Variants in ZNF571 observed in about 807,000 individuals in gnomAD.
ZNF571 encodes zinc finger protein 571.
A neutral mutation model predicts 7.7 loss-of-function variants in ZNF571; 4 were observed. The ratio of observed to expected loss-of-function variants is 0.52; its 90% CI spans 0.25 to 1.18. The LOEUF is 1.18. ZNF571 is among the 50% of genes most tolerant of loss of function. The pLI is 0.14. For missense variants in ZNF571, 704 were observed against 726.9 expected (o/e 0.97, Z 0.36); for synonymous variants, 251 against 232.4 (o/e 1.08, Z -0.73).
chr19:37,575,211 T>C (rs1211870522), intron 3 of ZNF571, among the ~76,000 whole-genome samples: 1 of 152,202 alleles, frequency 6.6e-6, no homozygotes, highest in Non-Finnish European at 1.5e-5. Context: ...CTAACTACTT[T>C]ATGGATGCAT....
At chr19:37,592,845 G>A (rs759444328) in intron 1 of ZNF571, among the ~76,000 whole-genome samples, 4 of 152,152 alleles carry the variant, frequency 2.6e-5, no homozygotes, top group Non-Finnish European at 4.4e-5. Flanking sequence ...AATATTCTAC[G>A]GGACAGATGA....
chr19:37,578,596 G>T (rs1399516201), intron 3 of ZNF571, among the ~76,000 whole-genome samples: 1 of 152,152 alleles, frequency 6.6e-6, no homozygotes, highest in Non-Finnish European at 1.5e-5. Flanking sequence ...GCTGAGGGGC[G>T]GTCAGAATGC....
chr19:37,583,687 C>T, intron 3 of ZNF571: 1 of 258,426 alleles, frequency 3.9e-6, no homozygotes, highest in Non-Finnish European at 7.4e-6. Flanking sequence ...TTAGGGACTG[C>T]ACATACAGCT....
intron 3 of ZNF571, among the ~76,000 whole-genome samples, chr19:37,581,257 ATAGAT>A (rs779071976): frequency 4.6e-5 from 7 of 152,086 alleles, no homozygotes; most frequent in South Asian, 4.1e-4. Context: ...CAAATCCATA[ATAGAT>A]TAGTCTCTTT....
intron 2 of ZNF571, chr19:37,585,094 G>A (rs930148283): frequency 6.6e-6 from 1 of 152,244 alleles, no homozygotes; most frequent in Admixed American, 6.5e-5. Context: ...GCTATAGCAA[G>A]GTACTGGATG....
At chr19:37,578,015 C>T (rs970781113) in intron 3 of ZNF571, among the ~76,000 whole-genome samples, 2 of 152,138 alleles carry the variant, frequency 1.3e-5, no homozygotes, top group South Asian at 4.1e-4. Flanking sequence ...GCTTGAGATT[C>T]TCATAGGAGC....
chr19:37,582,264 A>G (rs2043497294), intron 3 of ZNF571, among the ~76,000 whole-genome samples: 1 of 152,086 alleles, frequency 6.6e-6, no homozygotes, highest in African/African-American at 2.4e-5. Flanking sequence ...AGGGTCACCA[A>G]CACCCTTCAT....
chr19:37,570,173 A>G (rs2043003901), intron 3 of ZNF571, among the ~76,000 whole-genome samples: 1 of 152,174 alleles, frequency 6.6e-6, no homozygotes, highest in Non-Finnish European at 1.5e-5. Context: ...GGGTTATCTC[A>G]ATTACCTTAA....
At chr19:37,568,452 G>T (rs1276802880) in intron 3 of ZNF571, among the ~76,000 whole-genome samples, 4 of 151,902 alleles carry the variant, frequency 2.6e-5, no homozygotes, top group African/African-American at 9.7e-5. Flanking sequence ...AACACTGAAA[G>T]AAATCAATGG....
chr19:37,592,371 T>C (rs1233650979), intron 1 of ZNF571, among the ~76,000 whole-genome samples: 2 of 152,234 alleles, frequency 1.3e-5, no homozygotes, highest in Non-Finnish European at 2.9e-5. Context: ...TTTTAGATAC[T>C]TTTCTCTAAT....
At chr19:37,582,464 G>C (rs1340841474) in intron 3 of ZNF571, among the ~76,000 whole-genome samples, 2 of 152,022 alleles carry the variant, frequency 1.3e-5, no homozygotes, top group East Asian at 1.9e-4. Flanking sequence ...CTGAATGTTG[G>C]AACACCCCAT....
intron 2 of ZNF571, among the ~76,000 whole-genome samples, chr19:37,584,908 G>A (rs1403030501): frequency 2.0e-5 from 3 of 149,662 alleles, no homozygotes; most frequent in Non-Finnish European, 4.4e-5. Flanking sequence ...AGCTTGCAGT[G>A]AGCCGAGATT....
chr19:37,586,582 A>C, intron 2 of ZNF571, 86 bp downstream of exon 2: 5 of 1,540,282 alleles, frequency 3.2e-6, no homozygotes, highest in Non-Finnish European at 4.5e-6. Context: ...GGAACCAAAC[A>C]AGGCAGGAAA....
chr19:37,589,918 C>CA (rs1449009901), intron 1 of ZNF571, among the ~76,000 whole-genome samples: 1 of 123,864 alleles, frequency 8.1e-6, no homozygotes, highest in East Asian at 2.6e-4. Context: ...GAGGAAACAT[C>CA]AAACACATAC....
chr19:37,580,009 A>G (rs1262388191), intron 3 of ZNF571, among the ~76,000 whole-genome samples: 2 of 152,250 alleles, frequency 1.3e-5, no homozygotes, highest in African/African-American at 2.4e-5. Flanking sequence ...ATGACCCATA[A>G]TATCAATTTA....
At chr19:37,572,148 T>C (rs1181459449) in intron 3 of ZNF571, among the ~76,000 whole-genome samples, 1 of 152,152 alleles carries the variant, frequency 6.6e-6, no homozygotes, top group Non-Finnish European at 1.5e-5. Context: ...CTGTTACCCC[T>C]ATCACTTAAC....
At chr19:37,566,957 TATC>T (rs933189820) in intron 3 of ZNF571, among the ~76,000 whole-genome samples, 7 of 152,148 alleles carry the variant, frequency 4.6e-5, no homozygotes, top group African/African-American at 1.7e-4. Flanking sequence ...ACTTTTCTGA[TATC>T]ATCACTTACC....
At chr19:37,572,024 C>T in intron 3 of ZNF571, among the ~76,000 whole-genome samples, 1 of 8,336 alleles carries the variant, frequency 1.2e-4, no homozygotes, top group African/African-American at 6.1e-4. Context: ...ATAATTAGTA[C>T]ATTAGTCCTA....
At position 37,588,099 on chromosome 19, in the gene ZNF571, CAAAAAAAAAAAAA is replaced by C. The variant is rs58516591; in HGVS notation, c.-69-1367_-69-1355del. 3.5e-4 allele frequency among the ~76,000 whole-genome samples: 16 copies of C among 45,750 alleles called. No individual in the cohort carries two copies. The South Asian group carries it at 5.0e-3, about 14-fold the overall frequency. The allele number at this position is 45,750 out of a possible 152,430, so 30.0% of individuals were successfully genotyped here. Reference sequence around the variant, plus strand: ...TGGGTGACAGAGCGAGACTCCATCTCAAAAAAAAAAAAAAAAAAAAAAAAAAAAATCCCATGGG... The same window carrying C: ...TGGGTGACAGAGCGAGACTCCATCTCAAAAAAAAAAAAAAAATCCCATGGG... On this transcript the variant is annotated intron_variant, in intron 1 of 3. Coordinates refer to ENST00000451802, the MANE Select transcript of ZNF571 (RefSeq NM_016536.5).
Sources: gnomAD v4.1 joint callset for allele counts (sites outside exome capture counted in the v4.1 genomes callset) on GRCh38, gnomAD v4.1.1 for gene constraint, MANE v1.5 for transcripts, NCBI Gene and HGNC (gene_info 2026-07-23, HGNC 2026-07-21) for gene names.